Variants in THSD7A observed in about 807,000 individuals in gnomAD.
The protein encoded by THSD7A is thrombospondin type-1 domain-containing protein 7A.
A neutral mutation model predicts 231.3 loss-of-function variants in THSD7A; 96 were observed. The observed-to-expected ratio is 0.41, with a 90% confidence interval of 0.35 to 0.49. THSD7A has a LOEUF of 0.49. Among genes scored for constraint, THSD7A ranks in the 20% least tolerant of loss-of-function variants. The pLI, the probability that THSD7A is intolerant of heterozygous loss-of-function variation, is 0.05. For synonymous variants in THSD7A, 940 were observed against 743.3 expected, an observed-to-expected ratio of 1.26 and a Z score of -4.30; for missense variants, 2,290 against 2,070.2, an observed-to-expected ratio of 1.11 and a Z score of -2.06.
intron 1 of THSD7A, among the ~76,000 whole-genome samples, chr7:11,830,958 T>C (rs1785174361): frequency 2.6e-5 from 4 of 152,228 alleles, no homozygotes; most frequent in Admixed American, 2.0e-4. Flanking sequence ...ATTCTCAATG[T>C]TTTTTTAATG....
rs1280651225 is a variant in THSD7A, at chr7:11,718,721, C to G, written c.191-81760G>C. ...TGATAAGACATAATTATAAAATCCACAGTCCCTTTAAAGTGGAACTTATAG... is the reference window on the plus strand; with the variant it reads ...TGATAAGACATAATTATAAAATCCAGAGTCCCTTTAAAGTGGAACTTATAG... On this transcript the variant is annotated intron_variant, in intron 1 of 27. Coordinates refer to ENST00000423059, the MANE Select transcript of THSD7A (RefSeq NM_015204.3). Among the ~76,000 whole-genome samples the G allele has an allele frequency of 1.2e-4, 18 of 151,584 alleles. 1 individual carries two copies.
At chr7:11,439,976 G>C (rs1360572183) in intron 13 of THSD7A, among the ~76,000 whole-genome samples, 2 of 151,962 alleles carry the variant, frequency 1.3e-5, no homozygotes, top group Non-Finnish European at 1.5e-5. Context: ...TAGCTAGAGA[G>C]GAAAAGTCAA....
chr7:11,531,230 C>A (rs1788695788), intron 6 of THSD7A, among the ~76,000 whole-genome samples: 1 of 152,148 alleles, frequency 6.6e-6, no homozygotes, highest in African/African-American at 2.4e-5. Context: ...CTTATCTAAG[C>A]CACACTGTCA....
At chr7:11,667,798 A>G (rs1783203080) in intron 1 of THSD7A, among the ~76,000 whole-genome samples, 1 of 152,200 alleles carries the variant, frequency 6.6e-6, no homozygotes, top group South Asian at 2.1e-4. Context: ...AAAGCTGTAT[A>G]AAGGAATCTT....
At chr7:11,672,036 T>C (rs1783415241) in intron 1 of THSD7A, among the ~76,000 whole-genome samples, 1 of 152,192 alleles carries the variant, frequency 6.6e-6, no homozygotes, top group Admixed American at 6.5e-5. Flanking sequence ...TCAGTACAAC[T>C]TGGGATAATT....
chr7:11,659,210 A>G (rs1438438184), intron 1 of THSD7A, among the ~76,000 whole-genome samples: 2 of 151,690 alleles, frequency 1.3e-5, no homozygotes, highest in Non-Finnish European at 3.0e-5. Context: ...GCTAAAAGGC[A>G]CTGGAGCAAA....
chr7:11,600,554 A>G (rs1780514948), intron 2 of THSD7A, among the ~76,000 whole-genome samples: 1 of 152,176 alleles, frequency 6.6e-6, no homozygotes. Flanking sequence ...GGTGGTACAT[A>G]TACTTTGAAG....
intron 11 of THSD7A, among the ~76,000 whole-genome samples, chr7:11,449,875 C>G (rs1668832978): frequency 6.6e-6 from 1 of 151,952 alleles, no homozygotes; most frequent in Non-Finnish European, 1.5e-5. Flanking sequence ...TCAGGACATG[C>G]AAGAGCCTCA....
At chr7:11,659,273 C>T (rs138338711) in intron 1 of THSD7A, among the ~76,000 whole-genome samples, 1 of 151,542 alleles carries the variant, frequency 6.6e-6, no homozygotes, top group South Asian at 2.1e-4. Context: ...CACTTTTGTC[C>T]ACTTCTCATC....
At chr7:11,566,614 T>A (rs1790338864) in intron 4 of THSD7A, among the ~76,000 whole-genome samples, 1 of 152,166 alleles carries the variant, frequency 6.6e-6, no homozygotes. Context: ...AAACAATTGC[T>A]TGCTATTATT....
At chr7:11,384,240 G>GT (rs1046020388) in intron 23 of THSD7A, 4 of 151,632 alleles carry the variant, frequency 2.6e-5, no homozygotes, top group Admixed American at 2.0e-4. Flanking sequence ...CTATTAACTT[G>GT]TTTTGGATCA....
At chr7:11,419,890 C>A (rs921785312) in intron 16 of THSD7A, among the ~76,000 whole-genome samples, 1 of 152,010 alleles carries the variant, frequency 6.6e-6, no homozygotes, top group Non-Finnish European at 1.5e-5. Context: ...GCATTGTGCC[C>A]CTGCTCTAGA....
intron 2 of THSD7A, among the ~76,000 whole-genome samples, chr7:11,619,437 C>G (rs1355338998): frequency 6.8e-6 from 1 of 146,666 alleles, no homozygotes; most frequent in Non-Finnish European, 1.5e-5. Flanking sequence ...GAGACTGCAT[C>G]CTGCTCTGTT....
chr7:11,535,307 G>T (rs985951928), intron 6 of THSD7A, among the ~76,000 whole-genome samples: 27 of 152,076 alleles, frequency 1.8e-4, no homozygotes, highest in Non-Finnish European at 3.5e-4. Context: ...ATATCCAAGT[G>T]TATTGTAATA....
At chr7:11,788,221 T>C (rs918774164) in intron 1 of THSD7A, among the ~76,000 whole-genome samples, 1 of 152,086 alleles carries the variant, frequency 6.6e-6, no homozygotes, top group Non-Finnish European at 1.5e-5. Context: ...AATGATGCAG[T>C]CATTTTTAGT....
chr7:11,788,870 G>T (rs1244955287), intron 1 of THSD7A, among the ~76,000 whole-genome samples: 2 of 151,928 alleles, frequency 1.3e-5, no homozygotes, highest in African/African-American at 4.8e-5. Context: ...CTCAGTACCA[G>T]AAAGGAATAG....
intron 7 of THSD7A, among the ~76,000 whole-genome samples, chr7:11,475,838 C>A (rs1238596882): frequency 1.3e-5 from 2 of 150,016 alleles, no homozygotes; most frequent in African/African-American, 4.9e-5. Context: ...CCATCTGCAT[C>A]TATTCTCTGC....
chr7:11,825,118 A>G (rs942848161), intron 1 of THSD7A, among the ~76,000 whole-genome samples: 3 of 151,736 alleles, frequency 2.0e-5, no homozygotes, highest in South Asian at 4.1e-4. Context: ...ATGTTAGACC[A>G]GTAAAATTTC....
intron 2 of THSD7A, among the ~76,000 whole-genome samples, chr7:11,610,664 A>T (rs1241492207): frequency 5.9e-5 from 9 of 152,132 alleles, no homozygotes; most frequent in African/African-American, 2.2e-4. Context: ...CTATTCTATA[A>T]TGTATTCTCA....
Sources: allele counts gnomAD v4.1 joint callset (sites outside exome capture counted in the v4.1 genomes callset), GRCh38; gene constraint gnomAD v4.1.1; transcripts MANE v1.5; gene names NCBI Gene and HGNC (gene_info 2026-07-23, HGNC 2026-07-21).